The following BANF2 variants were observed in gnomAD, a reference collection of about 807,000 sequenced individuals.
BANF2 encodes the protein barrier-to-autointegration factor-like protein.
BANF2 carries 4 observed loss-of-function variants against 8.0 expected under a neutral mutation model. The observed-to-expected ratio is 0.50, with a 90% CI of 0.25 to 1.14. The LOEUF (loss-of-function observed/expected upper bound fraction) is 1.14, where lower values mean the gene tolerates loss of function less well. BANF2 is among the 50% of genes most tolerant of loss of function. BANF2 has a pLI of 0.16. For synonymous variants in BANF2, 50 were observed against 40.6 expected, an observed-to-expected ratio of 1.23 and a Z score of -0.88; for missense variants, 96 against 107.5, an observed-to-expected ratio of 0.89 and a Z score of 0.47.
upstream of BANF2, among the ~76,000 whole-genome samples, chr20:17,698,692 A>C (rs2037371663): frequency 6.6e-6 from 1 of 152,210 alleles, no homozygotes; most frequent in Non-Finnish European, 1.5e-5. Context: ...GGCAGCTGGG[A>C]GTCAGATTAC....
chr20:17,694,615 T>C (rs2037329767), intron 1 of BANF2, among the ~76,000 whole-genome samples: 1 of 88,472 alleles, frequency 1.1e-5, no homozygotes, highest in East Asian at 2.3e-4. Context: ...TTTTTTTTTT[T>C]TTTTTTTTTT....
rs373093541 is a variant in BANF2 at position 17,725,164 on chromosome 20, T to C, written c.126+13T>C. On this transcript the variant is annotated intron_variant, in intron 3 of 3. Coordinates refer to ENST00000246090, the MANE Select transcript of BANF2 (RefSeq NM_178477.5). ...AGGTATCAATAAGGTAATTCATATT[T>C]TCTTACTTCTCTGACTTCTCTTCCC... The C allele has an allele frequency of 1.2e-6, 2 of 1,607,882 alleles. No homozygotes were observed. The highest frequency in any genetic ancestry group is 4.5e-5 in the East Asian group (2 of 44,808).
intron 1 of BANF2, among the ~76,000 whole-genome samples, chr20:17,715,291 G>A (rs993165900): frequency 3.9e-5 from 6 of 152,184 alleles, no homozygotes; most frequent in Non-Finnish European, 2.9e-5. Context: ...GTGCCCTGCC[G>A]TGGGCTGGTT....
At chr20:17,697,674 G>A (rs1378356820), upstream of BANF2, among the ~76,000 whole-genome samples, 2 of 152,222 alleles carry the variant, frequency 1.3e-5, no homozygotes, top group Non-Finnish European at 2.9e-5. Context: ...AGGGGAGCGG[G>A]GAAGTGAGGC....
intron 3 of BANF2, among the ~76,000 whole-genome samples, chr20:17,728,902 G>T (rs968517434): frequency 2.8e-4 from 43 of 152,150 alleles, no homozygotes; most frequent in African/African-American, 1.0e-3. Flanking sequence ...TAAAGACTTA[G>T]CCCAAAAAAG....
upstream of BANF2, among the ~76,000 whole-genome samples, chr20:17,698,139 C>T (rs972368199): frequency 7.2e-5 from 11 of 151,760 alleles, no homozygotes; most frequent in African/African-American, 2.4e-4. Flanking sequence ...ACCCGGGAGG[C>T]GGAGGTTGCA....
At chr20:17,702,620 C>A (rs931592261) in intron 1 of BANF2, among the ~76,000 whole-genome samples, 2 of 152,158 alleles carry the variant, frequency 1.3e-5, no homozygotes, top group African/African-American at 2.4e-5. Flanking sequence ...TGTTTGTGGA[C>A]TTGGCTTCTT....
At chr20:17,697,574 T>G (rs141944486), upstream of BANF2, among the ~76,000 whole-genome samples, 27 of 152,354 alleles carry the variant, frequency 1.8e-4, no homozygotes, top group East Asian at 4.6e-3. Context: ...ATTTACAAAG[T>G]CTTAGTTTGG....
rs545941108 is a variant in BANF2, at chr20:17,723,888, G to C, written c.-4+1010G>C. ...CACACACCTGTAATCCCAGCTACTCGGGAGGCTGAGGCAGGAGAATAGCTT... is the reference window on the plus strand; with the variant it reads ...CACACACCTGTAATCCCAGCTACTCCGGAGGCTGAGGCAGGAGAATAGCTT... On this transcript the variant is annotated intron_variant, in intron 2 of 3. Coordinates refer to ENST00000246090, the MANE Select transcript of BANF2 (RefSeq NM_178477.5). Among the ~76,000 whole-genome samples, 54 of 152,228 alleles carry C rather than the reference G, an allele frequency of 3.5e-4. No individual in the cohort carries two copies. In the South Asian group the frequency reaches 0.011, roughly 32 times the overall value.
At chr20:17,707,580 A>G (rs1358291337) in intron 1 of BANF2, among the ~76,000 whole-genome samples, 3 of 151,814 alleles carry the variant, frequency 2.0e-5, no homozygotes, top group Non-Finnish European at 4.4e-5. Flanking sequence ...TCCTATATAT[A>G]TATATACTTT....
At chr20:17,695,926 G>A (rs977253949), upstream of BANF2, among the ~76,000 whole-genome samples, 1 of 152,138 alleles carries the variant, frequency 6.6e-6, no homozygotes, top group African/African-American at 2.4e-5. Flanking sequence ...GGAACCATGT[G>A]TGTACTCTTC....
chr20:17,725,671 G>A (rs1046442575), intron 3 of BANF2, among the ~76,000 whole-genome samples: 2 of 152,190 alleles, frequency 1.3e-5, no homozygotes, highest in Non-Finnish European at 2.9e-5. Context: ...TCTTTTCTAC[G>A]TCATTGTTTG....
chr20:17,734,265 T>C (rs2037943106), intron 3 of BANF2, among the ~76,000 whole-genome samples: 1 of 152,208 alleles, frequency 6.6e-6, no homozygotes, highest in East Asian at 1.9e-4. Flanking sequence ...ACTGAGTGCT[T>C]ATCTTCCATG....
intron 1 of BANF2, among the ~76,000 whole-genome samples, chr20:17,714,050 AC>A (rs2037614144): frequency 6.6e-6 from 1 of 151,924 alleles, no homozygotes; most frequent in Non-Finnish European, 1.5e-5. Flanking sequence ...TACTAAAAAT[AC>A]AAAAATTAGC....
At chr20:17,720,103 CATGTGAGGCCTA>C (rs2037707893) in intron 1 of BANF2, among the ~76,000 whole-genome samples, 1 of 152,164 alleles carries the variant, frequency 6.6e-6, no homozygotes, top group Non-Finnish European at 1.5e-5. Flanking sequence ...TAACTCGCCC[CATGTGAGGCCTA>C]ATGTGCTGTC....
intron 1 of BANF2, among the ~76,000 whole-genome samples, chr20:17,707,019 G>A (rs1387357596): frequency 6.6e-6 from 1 of 152,140 alleles, no homozygotes; most frequent in African/African-American, 2.4e-5. Context: ...AGAGACCGGG[G>A]ACCACATCTT....
At chr20:17,705,073 G>A (rs998511115) in intron 1 of BANF2, among the ~76,000 whole-genome samples, 2 of 129,296 alleles carry the variant, frequency 1.5e-5, no homozygotes, top group East Asian at 2.0e-4. Flanking sequence ...CATGTGTGTT[G>A]TTACCTCACT....
At chr20:17,732,923 G>A (rs1018292699) in intron 3 of BANF2, among the ~76,000 whole-genome samples, 14 of 152,312 alleles carry the variant, frequency 9.2e-5, no homozygotes, top group East Asian at 3.9e-4. Context: ...GGGAGCCCAC[G>A]ACTCCAGCTT....
chr20:17,719,322 G>T (rs1385074783), intron 1 of BANF2, among the ~76,000 whole-genome samples: 1 of 152,016 alleles, frequency 6.6e-6, no homozygotes, highest in Non-Finnish European at 1.5e-5. Flanking sequence ...AGTAGAGACG[G>T]GGTTTCACCA....
Sources: allele counts gnomAD v4.1 joint callset (sites outside exome capture counted in the v4.1 genomes callset), GRCh38; gene constraint gnomAD v4.1.1; transcripts MANE v1.5; gene names NCBI Gene and HGNC (gene_info 2026-07-23, HGNC 2026-07-21).